NAV2: variants seen among roughly 807,000 people sequenced by gnomAD.
NAV2 encodes the protein helicase, APC down-regulated 1.
NAV2 carries 54 observed loss-of-function variants against 223.2 expected under a neutral mutation model. That is an observed-to-expected ratio of 0.24 (90% confidence interval 0.19 to 0.30). NAV2 has a LOEUF of 0.30. Among genes scored for constraint, NAV2 ranks in the 10% least tolerant of loss-of-function variants. The pLI is 1.00. For missense variants in NAV2, 2,806 were observed against 3,147.5 expected (o/e 0.89, Z 2.60); for synonymous variants, 1,279 against 1,239.3 (o/e 1.03, Z -0.67).
chr11:19,702,156 CA>C (rs1397798676), intron 1 of NAV2, among the ~76,000 whole-genome samples: 3 of 152,166 alleles, frequency 2.0e-5, no homozygotes, highest in Non-Finnish European at 2.9e-5. Flanking sequence ...TCCTTGTGCT[CA>C]GGGGTGGTCT....
chr11:19,894,824 G>A (rs1209001374), intron 6 of NAV2, among the ~76,000 whole-genome samples: 1 of 152,134 alleles, frequency 6.6e-6, no homozygotes, highest in African/African-American at 2.4e-5. Context: ...TCCGCCTCCC[G>A]GGTTCAAGCG....
rs1554902314 is a variant in NAV2, at chr11:20,023,697, TGG to T, written c.2769-12260_2769-12259del. Among the ~76,000 whole-genome samples the T allele has an allele frequency of 3.6e-3, 338 of 95,090 alleles. 1 individual carries two copies. The Middle Eastern group carries it at 0.05, about 14-fold the overall frequency. 62.4% of individuals were successfully genotyped at this position (95,090 alleles called of 152,430 possible). A position where few individuals can be genotyped will look rare whatever the true frequency, so the allele number is the denominator to read the frequency against. On this transcript the variant is annotated intron_variant, in intron 11 of 37. Coordinates refer to ENST00000349880, the MANE Select transcript of NAV2 (RefSeq NM_145117.5). ...TGGTTGTGTTTATACAGCAAATTGCTGGGTGTGTGTGTGTGTGTGTGTGTGTG... is the reference window on the plus strand; with the variant it reads ...TGGTTGTGTTTATACAGCAAATTGCTGTGTGTGTGTGTGTGTGTGTGTGTG...
At chr11:19,457,291 G>A (rs1212957568) in intron 1 of NAV2, among the ~76,000 whole-genome samples, 2 of 152,216 alleles carry the variant, frequency 1.3e-5, no homozygotes, top group East Asian at 3.8e-4. Context: ...TGACATACTT[G>A]GCTAATTCAC....
chr11:19,656,485 T>G (rs1398045167), intron 1 of NAV2, among the ~76,000 whole-genome samples: 1 of 152,146 alleles, frequency 6.6e-6, no homozygotes, highest in Non-Finnish European at 1.5e-5. Context: ...GACAGGAGAC[T>G]GGGGAAGGAG....
intron 1 of NAV2, among the ~76,000 whole-genome samples, chr11:19,462,957 AG>A (rs1852217724): frequency 6.6e-6 from 1 of 152,146 alleles, no homozygotes; most frequent in Admixed American, 6.5e-5. Context: ...TTCTGGGCTG[AG>A]GTATTCAGTA....
rs115852202 is a variant in NAV2 at position 19,596,101 on chromosome 11, C to T, written c.76-236383C>T. Among the ~76,000 whole-genome samples the T allele has an allele frequency of 9.0e-4, 137 of 152,232 alleles. 1 individual carries two copies. Among genetic ancestry groups the T allele is most frequent in the African/African-American group, 3.1e-3 (127 of 41,542 alleles). On this transcript the variant is annotated intron_variant, in intron 1 of 37. Coordinates refer to the NAV2 transcript ENST00000360655. ...TTCATAACCCAGTAATGGGCTGCAA[C>T]CCACGGTTTTGGAAAAGACAGTGCT...
intron 1 of NAV2, among the ~76,000 whole-genome samples, chr11:19,445,501 C>A (rs1218459896): frequency 1.3e-5 from 2 of 152,148 alleles, no homozygotes; most frequent in African/African-American, 4.8e-5. Context: ...GATAAGGAAG[C>A]TGATACAAGG....
intron 1 of NAV2, among the ~76,000 whole-genome samples, chr11:19,702,541 G>A (rs2049536698): frequency 6.6e-6 from 1 of 152,148 alleles, no homozygotes; most frequent in Non-Finnish European, 1.5e-5. Flanking sequence ...TACTTTGGGA[G>A]GCCAAGGCGG....
intron 8 of NAV2, among the ~76,000 whole-genome samples, chr11:19,944,390 C>A (rs890707624): frequency 6.6e-6 from 1 of 152,146 alleles, no homozygotes; most frequent in African/African-American, 2.4e-5. Flanking sequence ...CAAAGAGGAA[C>A]CCAGCTGTCT....
chr11:19,600,065 A>C (rs1291198452), intron 1 of NAV2, among the ~76,000 whole-genome samples: 1 of 152,174 alleles, frequency 6.6e-6, no homozygotes, highest in African/African-American at 2.4e-5. Flanking sequence ...AGCGAGGAGA[A>C]AGCCAATAAA....
At chr11:19,856,087 A>G (rs964103147) in intron 3 of NAV2, among the ~76,000 whole-genome samples, 4 of 152,222 alleles carry the variant, frequency 2.6e-5, no homozygotes, top group African/African-American at 9.6e-5. Context: ...TGGCAATTTT[A>G]TCTAGTTCAA....
intron 1 of NAV2, among the ~76,000 whole-genome samples, chr11:19,570,814 T>TAGG (rs1266066463): frequency 6.6e-6 from 1 of 152,224 alleles, no homozygotes; most frequent in Non-Finnish European, 1.5e-5. Context: ...ATGGGGAAAT[T>TAGG]AGAACCTTCC....
chr11:19,843,817 T>C (rs2060637201), intron 3 of NAV2, among the ~76,000 whole-genome samples: 1 of 151,434 alleles, frequency 6.6e-6, no homozygotes. Flanking sequence ...CTCCTTTGAG[T>C]AGGCACAGTT....
At chr11:19,607,451 G>A (rs552881081) in intron 1 of NAV2, among the ~76,000 whole-genome samples, 1 of 152,348 alleles carries the variant, frequency 6.6e-6, no homozygotes, top group African/African-American at 2.4e-5. Context: ...GTGGAGCTAG[G>A]ATAGCTGTCA....
chr11:19,572,697 T>C (rs1352686790), intron 1 of NAV2, among the ~76,000 whole-genome samples: 1 of 152,196 alleles, frequency 6.6e-6, no homozygotes, highest in Non-Finnish European at 1.5e-5. Context: ...CTCTCCCACT[T>C]ATGAGCTGCA....
intron 1 of NAV2, among the ~76,000 whole-genome samples, chr11:19,378,914 C>G (rs756692591): frequency 7.9e-5 from 12 of 152,150 alleles, no homozygotes; most frequent in Non-Finnish European, 1.6e-4. Flanking sequence ...CGGTGCTGGG[C>G]ATGTGGAGAA....
chr11:19,873,617 T>C (rs1739084897), intron 4 of NAV2, among the ~76,000 whole-genome samples: 1 of 152,124 alleles, frequency 6.6e-6, no homozygotes, highest in African/African-American at 2.4e-5. Context: ...GTACTGAGTT[T>C]TCTCCTCCTT....
chr11:19,809,504 C>T (rs2058746760), intron 1 of NAV2, among the ~76,000 whole-genome samples: 1 of 152,152 alleles, frequency 6.6e-6, no homozygotes, highest in South Asian at 2.1e-4. Context: ...CCATATACCC[C>T]ACCCATTATT....
chr11:19,469,200 G>A (rs1372158023), intron 1 of NAV2, among the ~76,000 whole-genome samples: 1 of 152,202 alleles, frequency 6.6e-6, no homozygotes, highest in East Asian at 1.9e-4. Flanking sequence ...ATCAGTGGCT[G>A]TTCCTCTTGC....
Sources: allele counts gnomAD v4.1 joint callset (sites outside exome capture counted in the v4.1 genomes callset), GRCh38; gene constraint gnomAD v4.1.1; transcripts MANE v1.5; gene names NCBI Gene and HGNC (gene_info 2026-07-23, HGNC 2026-07-21).